Variants in SNAP91 observed in about 807,000 individuals in gnomAD.
SNAP91 encodes the protein synaptosome associated protein 91, also known as clathrin coat assembly protein AP180.
A neutral mutation model predicts 100.3 loss-of-function variants in SNAP91; 27 were observed. The observed-to-expected ratio is 0.27, with a 90% CI of 0.20 to 0.37. The LOEUF (loss-of-function observed/expected upper bound fraction) is 0.37, where lower values mean the gene tolerates loss of function less well. SNAP91 is among the 10% of genes least tolerant of loss of function. The pLI is 1.00. For synonymous variants in SNAP91, 404 were observed against 398.6 expected (o/e 1.01, Z -0.16); for missense variants, 986 against 1,123.7 (o/e 0.88, Z 1.75).
At chr6:83,709,155 G>A (rs1033413345), upstream of SNAP91, 2 of 152,342 alleles carry the variant, frequency 1.3e-5, no homozygotes, top group East Asian at 1.9e-4. Flanking sequence ...GTCAGGTGAC[G>A]GCGGCGGACA....
At chr6:83,559,360 T>C (rs1166670444) in intron 28 of SNAP91, among the ~76,000 whole-genome samples, 1 of 152,198 alleles carries the variant, frequency 6.6e-6, no homozygotes, top group Admixed American at 6.5e-5. Context: ...CGATACTGCA[T>C]GTGTACTGTC....
At position 83,597,157 on chromosome 6, in the gene SNAP91, A is replaced by C. The variant is rs527286122; in HGVS notation, c.1325-2676T>G. Among the ~76,000 whole-genome samples, 113 of 152,278 alleles carry C rather than the reference A, an allele frequency of 7.4e-4. 2 individuals are homozygous for C. In the Middle Eastern group the frequency reaches 0.014, roughly 18 times the overall value. ...CTACACCTGTCAGAAATTTTCTTAA[A>C]GGTAGGAGCTGCAGCTGCTCCCACC... On this transcript the variant is annotated intron_variant, in intron 16 of 29. Transcript: ENST00000369694.
At chr6:83,697,885 C>T (rs1389893369) in intron 2 of SNAP91, among the ~76,000 whole-genome samples, 1 of 151,816 alleles carries the variant, frequency 6.6e-6, no homozygotes, top group Non-Finnish European at 1.5e-5. Context: ...CTATGTTTGG[C>T]GTGAGGAATA....
chr6:83,692,514 C>CAAA (rs11465130), intron 2 of SNAP91, among the ~76,000 whole-genome samples: 3 of 148,520 alleles, frequency 2.0e-5, no homozygotes, highest in Admixed American at 6.7e-5. Flanking sequence ...GACTCTGTCT[C>CAAA]AAAAAAAAAA....
In SNAP91 at chr6:83,665,517, C is replaced by T; in HGVS notation, c.195G>A (p.Glu65=). The change falls in exon 3 of 30, where the codon GAG becomes GAA. Residue 65 remains glutamate, a synonymous_variant. Transcript: ENST00000369694. ...NIPQMADTLF[E]RATNSSWVVV... is the part of the protein sequence containing the mutation. ...CCACCCAGCTACTGTTTGTTGCCCGCTCAAAGAGAGTGTCGGCCATCTGAG... is the reference window on the plus strand; with the variant it reads ...CCACCCAGCTACTGTTTGTTGCCCGTTCAAAGAGAGTGTCGGCCATCTGAG... 1 of 1,612,854 alleles carries T rather than the reference C, an allele frequency of 6.2e-7. No individual in the cohort carries two copies. Among genetic ancestry groups the T allele is most frequent in the East Asian group, 2.2e-5 (1 of 44,824 alleles).
chr6:83,647,588 A>G (rs1017572539), intron 7 of SNAP91, among the ~76,000 whole-genome samples: 8 of 152,114 alleles, frequency 5.3e-5, no homozygotes, highest in Non-Finnish European at 7.4e-5. Flanking sequence ...TAATTTGCTA[A>G]TATTTCATCG....
At chr6:83,613,518 G>A (rs576663808) in intron 11 of SNAP91, among the ~76,000 whole-genome samples, 1 of 152,282 alleles carries the variant, frequency 6.6e-6, no homozygotes, top group East Asian at 1.9e-4. Context: ...GTGCTCCAAT[G>A]GGGCCATAGC....
At chr6:83,706,438 AC>A (rs745580222) in intron 2 of SNAP91, among the ~76,000 whole-genome samples, 16 of 152,210 alleles carry the variant, frequency 1.1e-4, no homozygotes, top group Non-Finnish European at 2.1e-4. Flanking sequence ...TGCATATATA[AC>A]ATATAATGCT....
chr6:83,675,542 A>G (rs2098850319), intron 2 of SNAP91, among the ~76,000 whole-genome samples: 1 of 152,154 alleles, frequency 6.6e-6, no homozygotes, highest in African/African-American at 2.4e-5. Context: ...TATGCTACAA[A>G]AATTCTCTTA....
intron 26 of SNAP91, among the ~76,000 whole-genome samples, chr6:83,567,824 G>T (rs557469138): frequency 6.7e-6 from 1 of 149,296 alleles, no homozygotes; most frequent in African/African-American, 2.5e-5. Context: ...TTAGGATGGC[G>T]ATCATTAAAA....
intron 2 of SNAP91, among the ~76,000 whole-genome samples, chr6:83,672,664 T>C (rs1458597218): frequency 1.3e-5 from 2 of 152,152 alleles, no homozygotes; most frequent in East Asian, 3.9e-4. Flanking sequence ...GAAAGATGGC[T>C]GTAACTGGCT....
intron 12 of SNAP91, among the ~76,000 whole-genome samples, chr6:83,609,846 ACT>A (rs1274864094): frequency 2.0e-5 from 3 of 152,062 alleles, no homozygotes; most frequent in African/African-American, 4.8e-5. Flanking sequence ...ACCTCATACG[ACT>A]CTGATTTAGA....
chr6:83,676,472 G>A (rs1761012731), intron 2 of SNAP91, among the ~76,000 whole-genome samples: 1 of 152,224 alleles, frequency 6.6e-6, no homozygotes, highest in Admixed American at 6.5e-5. Flanking sequence ...ATCTTGGGAA[G>A]GAACATTCCA....
chr6:83,598,150 G>T (rs1196089975), intron 16 of SNAP91, among the ~76,000 whole-genome samples: 1 of 152,072 alleles, frequency 6.6e-6, no homozygotes, highest in East Asian at 1.9e-4. Context: ...AGTAAAATTT[G>T]CATCAGTATA....
chr6:83,557,252 G>GA (rs1298614075), intron 28 of SNAP91, among the ~76,000 whole-genome samples: 1 of 152,088 alleles, frequency 6.6e-6, no homozygotes, highest in Admixed American at 6.6e-5. Context: ...GTGGGGCAGT[G>GA]TTGTATATTT....
chr6:83,638,647 TA>T (rs1263808527), intron 8 of SNAP91, among the ~76,000 whole-genome samples: 1 of 152,218 alleles, frequency 6.6e-6, no homozygotes, highest in Non-Finnish European at 1.5e-5. Context: ...TATGGATCCC[TA>T]ATACTGAAAT....
intron 22 of SNAP91, among the ~76,000 whole-genome samples, chr6:83,586,583 T>C (rs941093315): frequency 3.9e-5 from 6 of 152,352 alleles, no homozygotes; most frequent in Non-Finnish European, 8.8e-5. Context: ...GTAGTCTGCC[T>C]CTAGCTTTCA....
intron 9 of SNAP91, among the ~76,000 whole-genome samples, chr6:83,618,151 A>G (rs1406807524): frequency 6.6e-6 from 1 of 151,860 alleles, no homozygotes. Context: ...TTCATTTTTC[A>G]TTTCACTAAT....
chr6:83,570,813 G>A (rs1296701950), intron 26 of SNAP91, among the ~76,000 whole-genome samples: 1 of 152,188 alleles, frequency 6.6e-6, no homozygotes. Context: ...GGATGCTCAG[G>A]CAGAAGTTTG....
Sources: gnomAD v4.1 joint callset for allele counts (sites outside exome capture counted in the v4.1 genomes callset) on GRCh38, gnomAD v4.1.1 for gene constraint, MANE v1.5 for transcripts, NCBI Gene and HGNC (gene_info 2026-07-23, HGNC 2026-07-21) for gene names.